EPG5: variants seen among roughly 807,000 people sequenced by gnomAD.
EPG5 encodes ectopic P-granules 5 autophagy tethering factor.
Under a neutral mutation model 302.7 loss-of-function variants are expected in EPG5, and 159 were observed. The observed-to-expected ratio is 0.53, with a 90% confidence interval of 0.46 to 0.60. EPG5 has a LOEUF of 0.60. EPG5 is among the 20% of genes least tolerant of loss of function. EPG5 has a pLI of 0.00. For missense variants in EPG5, 2,896 were observed against 3,092.4 expected (o/e 0.94, Z 1.51); for synonymous variants, 1,158 against 1,136.8 (o/e 1.02, Z -0.37).
chr18:45,801,563 C>G, the EPG5 span, among the ~76,000 whole-genome samples: 5 of 152,222 alleles, frequency 3.3e-5, no homozygotes, highest in African/African-American at 9.6e-5. Flanking sequence ...AGGGATGGCA[C>G]TGAGCTTAGT....
rs769470632 is a variant in EPG5, at chr18:45,867,721, A to C, written c.6253T>G (p.Phe2085Val). Residue 2085 changes from phenylalanine to valine, a missense_variant, in exon 37 of 44, where the codon TTC becomes GTC. Physicochemically the swap from Phe to Val is conservative, Grantham distance 50. Around this residue, in one of 5 missense-constraint regions of EPG5, gnomAD observed 620 missense variants for 704.2 expected, o/e 0.88. Transcript: ENST00000282041. ...CAGAGTACAGACCCCAAAAATAAGA[A>C]ACAGCTCTTGGGGCTTCCTCGTTCC... Reference protein sequence around the residue: ...KVERGSPKSCFLFLGSVLCEV... With the variant: ...KVERGSPKSCVLFLGSVLCEV... The C allele has an allele frequency of 6.2e-7, 1 of 1,607,462 alleles. No homozygotes were observed. Among genetic ancestry groups the C allele is most frequent in the Admixed American group, 1.7e-5 (1 of 58,306 alleles).
intron 39 of EPG5, among the ~76,000 whole-genome samples, chr18:45,862,597 C>T (rs1401085494): frequency 1.6e-3 from 3 of 1,890 alleles, no homozygotes; most frequent in Admixed American, 0.01. Flanking sequence ...TAAAAGTGTG[C>T]AACATCTCCC....
intron 10 of EPG5, among the ~76,000 whole-genome samples, chr18:45,936,445 T>C (rs527986655): frequency 7.7e-4 from 112 of 146,004 alleles, no homozygotes; most frequent in African/African-American, 2.9e-3. Context: ...TGCTAAGGAA[T>C]GGCTGGATGC....
At chr18:45,800,754 A>T in the EPG5 span, among the ~76,000 whole-genome samples, 5 of 152,154 alleles carry the variant, frequency 3.3e-5, no homozygotes, top group African/African-American at 4.8e-5. Flanking sequence ...GGGGAATCAC[A>T]TGATGATCCT....
At chr18:45,957,686 T>A (rs1047749545) in intron 1 of EPG5, among the ~76,000 whole-genome samples, 1 of 152,224 alleles carries the variant, frequency 6.6e-6, no homozygotes, top group African/African-American at 2.4e-5. Flanking sequence ...TAAAAATACA[T>A]ATGATTCGCT....
rs376587687 is a variant in EPG5 at position 45,966,150 on chromosome 18, A to C, written c.63+1027T>G. 1.8e-4 allele frequency among the ~76,000 whole-genome samples: 27 copies of C among 151,984 alleles called. No individual in the cohort carries two copies. In the East Asian group the frequency reaches 3.7e-3, roughly 21 times the overall value. On this transcript the variant is annotated intron_variant, in intron 1 of 43. Coordinates refer to ENST00000282041, the MANE Select transcript of EPG5 (RefSeq NM_020964.3). ...CACTTTGGGAGGCCGAGGCGGGCGG[A>C]TCACGAGGTCAGGAGATCGAGACCA... is the stretch of plus-strand genomic sequence containing the variant.
At chr18:45,806,639 T>A in the EPG5 span, among the ~76,000 whole-genome samples, 1 of 151,686 alleles carries the variant, frequency 6.6e-6, no homozygotes, top group Non-Finnish European at 1.5e-5. Flanking sequence ...GAGAAGACTC[T>A]GACCTTACCT....
chr18:45,860,702 C>T (rs1448784304), intron 39 of EPG5, among the ~76,000 whole-genome samples: 1 of 152,142 alleles, frequency 6.6e-6, no homozygotes, highest in African/African-American at 2.4e-5. Flanking sequence ...AAACCAAATA[C>T]GTAGATCTCA....
intron 8 of EPG5, 151 bp downstream of exon 8, chr18:45,943,854 G>A (rs1568177374): frequency 9.1e-6 from 5 of 550,262 alleles, no homozygotes; most frequent in South Asian, 2.2e-5. Flanking sequence ...CTGGGAGGCA[G>A]AGCTTGCAGT....
chr18:45,810,458 A>G, the EPG5 span, among the ~76,000 whole-genome samples: 2 of 152,186 alleles, frequency 1.3e-5, no homozygotes, highest in Non-Finnish European at 2.9e-5. Flanking sequence ...GGATGCTAAA[A>G]TCTTTAACAA....
chr18:45,967,217 TG>T lies in EPG5; in HGVS notation c.22del (p.Gln8SerfsTer44). 1 of 1,605,556 alleles carries T rather than the reference TG, an allele frequency of 6.2e-7. No homozygotes were observed. The highest frequency in any genetic ancestry group is 1.1e-5 in the South Asian group (1 of 89,396). On this transcript the variant is annotated frameshift_variant, in exon 1 of 44. Coordinates refer to ENST00000282041, the MANE Select transcript of EPG5 (RefSeq NM_020964.3). LOFTEE classifies it high-confidence loss of function. ...GCTGGCCTTGGCCTTGGCCCGGCGC[TG>T]GGGCTTCACCGCCTCGGCCATAGAC... Reference protein sequence around the residue: MAEAVKPQRRAKAKASRT... With the variant: MAEAVKPXRRAKAKASRT...
chr18:45,890,535 T>C (rs2049319897), intron 27 of EPG5, among the ~76,000 whole-genome samples: 1 of 152,134 alleles, frequency 6.6e-6, no homozygotes, highest in African/African-American at 2.4e-5. Context: ...TTTTTATTGG[T>C]TTTCAGTAAA....
At chr18:45,876,197 A>G (rs545514824) in intron 35 of EPG5, 39 bp downstream of exon 35, 1 of 1,432,194 alleles carries the variant, frequency 7.0e-7, no homozygotes, top group South Asian at 1.2e-5. Context: ...ACTTAGGGAA[A>G]AATGAAAACT....
At chr18:45,819,563 A>G in the EPG5 span, among the ~76,000 whole-genome samples, 1 of 152,208 alleles carries the variant, frequency 6.6e-6, no homozygotes, top group Non-Finnish European at 1.5e-5. Flanking sequence ...AAATTATATA[A>G]TTGTATTTTA....
chr18:45,809,559 C>A, the EPG5 span, among the ~76,000 whole-genome samples: 10,441 of 152,156 alleles, frequency 0.069, 838 homozygotes, highest in African/African-American at 0.2. Context: ...GAAATCAACT[C>A]CAAAAGGAAC....
intron 34 of EPG5, among the ~76,000 whole-genome samples, chr18:45,878,074 G>A (rs547084916): frequency 2.0e-5 from 3 of 152,194 alleles, no homozygotes; most frequent in East Asian, 1.9e-4. Flanking sequence ...ACCCTCAAGC[G>A]AACAGCATCA....
chr18:45,893,619 A>G (rs1300369292), intron 27 of EPG5, among the ~76,000 whole-genome samples: 1 of 151,970 alleles, frequency 6.6e-6, no homozygotes, highest in Non-Finnish European at 1.5e-5. Context: ...GGGACATGAG[A>G]GTGCCCCAAG....
At chr18:45,966,890 C>T (rs2051276206) in intron 1 of EPG5, among the ~76,000 whole-genome samples, 1 of 152,078 alleles carries the variant, frequency 6.6e-6, no homozygotes, top group South Asian at 2.1e-4. Context: ...GGCAGGAAAC[C>T]AGACCCAGGT....
chr18:45,827,975 G>A, the EPG5 span, among the ~76,000 whole-genome samples: 1 of 152,226 alleles, frequency 6.6e-6, no homozygotes, highest in Non-Finnish European at 1.5e-5. Context: ...CTCAGCTGCA[G>A]AAAGTCATTT....
Sources: allele counts gnomAD v4.1 joint callset (sites outside exome capture counted in the v4.1 genomes callset), GRCh38; gene constraint gnomAD v4.1.1; regional missense constraint gnomAD v4.1.1; transcripts MANE v1.5; gene names NCBI Gene and HGNC (gene_info 2026-07-23, HGNC 2026-07-21).